Variants in PRSS48 observed in about 807,000 individuals in gnomAD.
The protein encoded by PRSS48 is epidermis-specific serine protease-like protein.
PRSS48 carries 21 observed loss-of-function variants against 25.6 expected under a neutral mutation model. The observed-to-expected ratio is 0.82, with a 90% CI of 0.58 to 1.18. The LOEUF is 1.18. Ranked by LOEUF, PRSS48 falls within the 50% of genes most tolerant of loss-of-function variation. The probability of loss-of-function intolerance (pLI) is 0.00; values close to 1 mark genes in which losing one functional copy is unlikely to be tolerated. For synonymous variants in PRSS48, 150 were observed against 149.3 expected, an observed-to-expected ratio of 1.00 and a Z score of -0.04; for missense variants, 373 against 399.3, an observed-to-expected ratio of 0.93 and a Z score of 0.56.
chr4:151,284,247 T>G (rs1194506815), intron 4 of PRSS48, among the ~76,000 whole-genome samples: 1 of 152,218 alleles, frequency 6.6e-6, no homozygotes, highest in Non-Finnish European at 1.5e-5. Context: ...TTCACACAAG[T>G]CCATTTTATT....
exon 2 of PRSS48, chr4:151,279,908 T>C (rs769469749): frequency 2.5e-6 from 4 of 1,613,736 alleles, no homozygotes; most frequent in East Asian, 4.5e-5. Flanking sequence ...TCTGTGGAGG[T>C]TCCCTCGTCA....
chr4:151,280,038 A>C, intron 2 of PRSS48, 80 bp downstream of exon 2: 1 of 1,505,186 alleles, frequency 6.6e-7, no homozygotes, highest in Non-Finnish European at 9.1e-7. Context: ...CCAAAAGACA[A>C]ATGAAAGTGG....
intron 4 of PRSS48, among the ~76,000 whole-genome samples, chr4:151,290,032 G>C (rs1775172430): frequency 6.6e-6 from 1 of 152,206 alleles, no homozygotes; most frequent in African/African-American, 2.4e-5. Context: ...ATAGTTCATT[G>C]TAAACATGGC....
intron 4 of PRSS48, among the ~76,000 whole-genome samples, chr4:151,286,199 A>AC (rs59814880): frequency 0.019 from 2,827 of 149,232 alleles, 117 homozygotes; most frequent in African/African-American, 0.067. Context: ...AAAAAAAAAA[A>AC]AAAAACAACT....
Position 151,282,399 on chromosome 4 carries a change from T to C in PRSS48, c.467T>C (p.Val156Ala), listed in dbSNP as rs771091556. The change falls in exon 3 of 5, where the codon GTT becomes GCT. Residue 156 changes from valine to alanine, a missense_variant. Val to Ala is a moderately conservative substitution (Grantham distance 64, BLOSUM62 0). Transcript: ENST00000455694. The stretch of plus-strand genomic sequence containing the variant: ...TGTTGGGTGACCGGATGGGGAAAAG[T>C]TAAGGAAAGTTCAGGTGAGAATGGG... 4 of 1,613,732 alleles carry C rather than the reference T, an allele frequency of 2.5e-6. No homozygotes were observed. The African/African-American group carries it at 5.3e-5, about 22-fold the overall frequency.
At chr4:151,278,817 G>C (rs1030129124) in intron 1 of PRSS48, among the ~76,000 whole-genome samples, 1 of 152,122 alleles carries the variant, frequency 6.6e-6, no homozygotes. Context: ...ATTTTTTGTA[G>C]AGACGGTGTT....
At chr4:151,290,494 T>C (rs1446661228) in intron 4 of PRSS48, among the ~76,000 whole-genome samples, 4 of 152,160 alleles carry the variant, frequency 2.6e-5, no homozygotes, top group South Asian at 2.1e-4. Flanking sequence ...GGCAAATCCA[T>C]AGAGGCAGAG....
At chr4:151,285,658 G>A (rs1229845456) in intron 4 of PRSS48, among the ~76,000 whole-genome samples, 1 of 152,114 alleles carries the variant, frequency 6.6e-6, no homozygotes, top group East Asian at 1.9e-4. Flanking sequence ...ACTGGAAAAA[G>A]AAGTTCAAGA....
intron 4 of PRSS48, among the ~76,000 whole-genome samples, chr4:151,288,713 T>C (rs1377503921): frequency 6.6e-6 from 1 of 152,108 alleles, no homozygotes; most frequent in Non-Finnish European, 1.5e-5. Context: ...TGTATTTCCA[T>C]GCAGTTGCAA....
At chr4:151,280,367 G>A (rs575714982) in intron 2 of PRSS48, among the ~76,000 whole-genome samples, 7 of 152,192 alleles carry the variant, frequency 4.6e-5, no homozygotes, top group Non-Finnish European at 7.4e-5. Flanking sequence ...GCCTACCAAC[G>A]TGAGTTTGGA....
At chr4:151,290,659 T>G (rs988459866) in intron 4 of PRSS48, among the ~76,000 whole-genome samples, 2 of 152,104 alleles carry the variant, frequency 1.3e-5, no homozygotes, top group Non-Finnish European at 2.9e-5. Flanking sequence ...ACCACTGAAT[T>G]GTGTAGTATG....
At chr4:151,282,556 A>C (rs1477474870) in intron 3 of PRSS48, 143 bp downstream of exon 3, 2 of 831,094 alleles carry the variant, frequency 2.4e-6, no homozygotes, top group African/African-American at 3.5e-5. Context: ...TAAGTTTTTA[A>C]ATAAAATATC....
rs1474956371 is a variant in PRSS48 at position 151,282,019 on chromosome 4, T to C, written c.216-129T>C. The stretch of plus-strand genomic sequence containing the variant: ...GGAGACAAATCAACCCTAGTTGAAG[T>C]TGGAAGCACCATGGTTAATTCCCAG... On this transcript the variant is annotated intron_variant, in intron 2 of 4. Coordinates refer to ENST00000455694, the Ensembl canonical transcript of PRSS48. 36 of 897,666 alleles carry C rather than the reference T, an allele frequency of 4.0e-5. No individual in the cohort carries two copies. In the South Asian group the frequency reaches 5.4e-4, roughly 14 times the overall value. The allele number at this position is 897,666 out of a possible 1,614,324, so 55.6% of individuals were successfully genotyped here. A position where few individuals can be genotyped will look rare whatever the true frequency, so the allele number is the denominator to read the frequency against.
At chr4:151,289,315 G>C (rs1019853707) in intron 4 of PRSS48, among the ~76,000 whole-genome samples, 1 of 152,138 alleles carries the variant, frequency 6.6e-6, no homozygotes, top group Non-Finnish European at 1.5e-5. Context: ...TTGTGACCTT[G>C]ATTAGGCAAC....
At chr4:151,284,163 C>T (rs1363351336) in intron 4 of PRSS48, among the ~76,000 whole-genome samples, 2 of 152,190 alleles carry the variant, frequency 1.3e-5, no homozygotes, top group Non-Finnish European at 2.9e-5. Flanking sequence ...TCTTCAAAAA[C>T]TATTCTGCCT....
At chr4:151,286,184 G>GAAAAAAAAAAAAAAAAAAAAAAAAAAA (rs56850648) in intron 4 of PRSS48, among the ~76,000 whole-genome samples, 1 of 86,628 alleles carries the variant, frequency 1.2e-5, no homozygotes, top group Non-Finnish European at 2.0e-5. Flanking sequence ...CTGTCTTAAA[G>GAAAAAAAAAAAAAAAAAAAAAAAAAAA]AAAAAAAAAA....
At chr4:151,286,376 C>G (rs1408943400) in intron 4 of PRSS48, among the ~76,000 whole-genome samples, 1 of 147,030 alleles carries the variant, frequency 6.8e-6, no homozygotes, top group Non-Finnish European at 1.5e-5. Context: ...AAAAAAAAGA[C>G]TGAAATTACT....
rs760066712 is a variant in PRSS48, at chr4:151,277,238, T to A, written c.52+14T>A. The A allele has an allele frequency of 6.7e-7, 1 of 1,492,030 alleles. No homozygotes were observed. The allele number at this position is 1,492,030 out of a possible 1,614,324, so 92.4% of individuals were successfully genotyped here. A position where few individuals can be genotyped will look rare whatever the true frequency, so the allele number is the denominator to read the frequency against. On this transcript the variant is annotated intron_variant, in intron 1 of 4. Coordinates refer to ENST00000455694, the Ensembl canonical transcript of PRSS48. ...TGGGGATCTCAGGTGAGCGCCAGGGTGGGGTTGAGAAGGCAGAGGCAGAGG... is the reference window on the plus strand; with the variant it reads ...TGGGGATCTCAGGTGAGCGCCAGGGAGGGGTTGAGAAGGCAGAGGCAGAGG...
intron 4 of PRSS48, 38 bp from the exon 5 acceptor site, chr4:151,291,080 C>A: frequency 6.7e-7 from 1 of 1,500,994 alleles, no homozygotes. Flanking sequence ...CTTTATGCCT[C>A]TTTTCACTAT....
Sources: allele counts gnomAD v4.1 joint callset (sites outside exome capture counted in the v4.1 genomes callset), GRCh38; gene constraint gnomAD v4.1.1; transcripts MANE v1.5; gene names NCBI Gene and HGNC (gene_info 2026-07-23, HGNC 2026-07-21).